MON1A: variants seen among roughly 807,000 people sequenced by gnomAD.
MON1A encodes MON1 vesicular trafficking associated A, also known as vacuolar fusion protein MON1 homolog A.
In MON1A, 29 loss-of-function variants were observed where a neutral mutation model predicts 44.6. That is an observed-to-expected ratio of 0.65 (90% CI 0.48 to 0.89). The LOEUF is 0.89. MON1A is among the 40% of genes least tolerant of loss of function. The pLI, the probability that MON1A is intolerant of heterozygous loss-of-function variation, is 0.00. For missense variants in MON1A, 615 were observed against 759.6 expected, an observed-to-expected ratio of 0.81 and a Z score of 2.24; for synonymous variants, 275 against 316.4, an observed-to-expected ratio of 0.87 and a Z score of 1.39.
intron 1 of MON1A, among the ~76,000 whole-genome samples, chr3:49,926,648 G>C (rs2083053874): frequency 6.6e-6 from 1 of 152,088 alleles, no homozygotes; most frequent in Non-Finnish European, 1.5e-5. Flanking sequence ...TTTTTGTAGA[G>C]ATGGGGTCTC....
At chr3:49,923,843 G>A (rs1202616978) in intron 1 of MON1A, 1 of 151,178 alleles carries the variant, frequency 6.6e-6, no homozygotes, top group Non-Finnish European at 1.5e-5. Context: ...AGCACTTTGG[G>A]AGGCCGACGC....
chr3:49,919,643 C>A (rs1311902550), intron 1 of MON1A, among the ~76,000 whole-genome samples: 2 of 152,152 alleles, frequency 1.3e-5, no homozygotes, highest in South Asian at 2.1e-4. Flanking sequence ...CCACACCTGG[C>A]TAATTTTTGT....
chr3:49,925,616 G>C (rs895502881), intron 1 of MON1A, among the ~76,000 whole-genome samples: 2 of 152,120 alleles, frequency 1.3e-5, no homozygotes, highest in African/African-American at 4.8e-5. Flanking sequence ...GCTCATGCCT[G>C]TAGTCCCACC....
At chr3:49,920,612 G>A (rs1465334544) in intron 1 of MON1A, 2 of 151,342 alleles carry the variant, frequency 1.3e-5, no homozygotes, top group African/African-American at 4.9e-5. Flanking sequence ...GGCCGAGGAG[G>A]GTGGATCACG....
In MON1A at chr3:49,909,625, A is replaced by C. The variant is rs2082851161; in HGVS notation, c.1380-225T>G. The C allele has an allele frequency of 1.7e-6, 1 of 576,544 alleles. No individual in the cohort carries two copies. The highest frequency in any genetic ancestry group is 3.0e-6 in the Non-Finnish European group (1 of 332,198). The allele number at this position is 576,544 out of a possible 1,614,324, so 35.7% of individuals were successfully genotyped here. ...GTCCCCTCTTACCCCCTAAGCTCAT[A>C]GTGTCTTTGGTGACCCCTCTTTGGA... On this transcript the variant is annotated intron_variant, in intron 4 of 5. Coordinates refer to ENST00000296473, the MANE Select transcript of MON1A (RefSeq NM_032355.4). The surrounding 1 kb of genome is among the most constrained non-coding windows in gnomAD (Gnocchi z 4.0).
In MON1A at chr3:49,910,325, G is replaced by A. The variant is rs759836938; in HGVS notation, c.1173C>T (p.Leu391=). ...GGTCAGTGGAGACAAGCAGCAGGCAGAGGTCAGTGTCAGGCTCTAGGTAAG... is the reference window on the plus strand; with the variant it reads ...GGTCAGTGGAGACAAGCAGCAGGCAAAGGTCAGTGTCAGGCTCTAGGTAAG... ...HISYLEPDTD[L]CLLLVSTDRE... Residue 391 remains leucine (L), a synonymous_variant, in exon 4 of 6, where the codon CTC becomes CTT. Transcript: ENST00000296473. This position sits in a 1 kb window ranked among gnomAD's most constrained non-coding sequence, Gnocchi z 8.0. 1.9e-6 allele frequency: 3 copies of A among 1,614,236 alleles called. No homozygotes were observed. The highest frequency in any genetic ancestry group is 2.5e-6 in the Non-Finnish European group (3 of 1,180,050).
chr3:49,922,491 G>A (rs191185501), intron 1 of MON1A, among the ~76,000 whole-genome samples: 1,783 of 133,436 alleles, frequency 0.013, 31 homozygotes, highest in Non-Finnish European at 0.015. Context: ...AGGGAGGAAG[G>A]AAGGAAGGAA....
intron 1 of MON1A, among the ~76,000 whole-genome samples, chr3:49,928,804 C>A (rs1446086575): frequency 6.6e-6 from 1 of 152,176 alleles, no homozygotes; most frequent in Non-Finnish European, 1.5e-5. Context: ...CTTGTCACTT[C>A]TGGCGGTTAC....
intron 1 of MON1A, among the ~76,000 whole-genome samples, chr3:49,928,235 C>T (rs2083067004): frequency 6.6e-6 from 1 of 152,144 alleles, no homozygotes; most frequent in South Asian, 2.1e-4. Context: ...GGGGTCCAGC[C>T]AGAGGCCTGA....
intron 2 of MON1A, chr3:49,912,554 G>A (rs925527594): frequency 3.7e-5 from 6 of 164,140 alleles, no homozygotes; most frequent in Non-Finnish European, 5.3e-5. Flanking sequence ...GTAAGGTGCC[G>A]GAACGCAGCA....
At chr3:49,914,984 T>A (rs907237677) in intron 1 of MON1A, among the ~76,000 whole-genome samples, 1 of 152,208 alleles carries the variant, frequency 6.6e-6, no homozygotes, top group Non-Finnish European at 1.5e-5. Flanking sequence ...CCCAGCCTGG[T>A]CTTTTAGAAA....
At position 49,921,706 on chromosome 3, in the gene MON1A, C is replaced by T. The variant is rs181205400; in HGVS notation, c.-14+7903G>A. 3.4e-3 allele frequency among the ~76,000 whole-genome samples: 499 copies of T among 148,410 alleles called. 3 individuals carry two copies. The highest frequency in any genetic ancestry group is 0.012 in the African/African-American group (488 of 40,302). On this transcript the variant is annotated intron_variant, in intron 1 of 5. Coordinates refer to ENST00000296473, the MANE Select transcript of MON1A (RefSeq NM_032355.4). Reference sequence around the variant, plus strand: ...CCAAGTCTGGAGTGCAGTGGCTATTCACAGGTGTAATCACCACCCCACCAT... The same window carrying T: ...CCAAGTCTGGAGTGCAGTGGCTATTTACAGGTGTAATCACCACCCCACCAT...
chr3:49,911,217 G>GATAGATAGATGATAGATAC lies in MON1A; in HGVS notation c.613+308_613+309insGTATCTATCATCTATCTAT, dbSNP rs1553630674. 1.7e-3 allele frequency among the ~76,000 whole-genome samples: 245 copies of GATAGATAGATGATAGATAC among 143,286 alleles called. 1 individual carries two copies. Among genetic ancestry groups the GATAGATAGATGATAGATAC allele is most frequent in the Middle Eastern group, 3.4e-3 (1 of 290 alleles). 94.0% of individuals were successfully genotyped at this position (143,286 alleles called of 152,430 possible). A position where few individuals can be genotyped will look rare whatever the true frequency, so the allele number is the denominator to read the frequency against. ...AGATAGATAGATAGATAGATAGATA[G>GATAGATAGATGATAGATAC]ATAGATAGATAGATAGATAGATAGA... On this transcript the variant is annotated intron_variant, in intron 3 of 5. Coordinates refer to ENST00000296473, the MANE Select transcript of MON1A (RefSeq NM_032355.4). This position sits in a 1 kb window ranked among gnomAD's most constrained non-coding sequence, Gnocchi z 5.7.
At position 49,912,029 on chromosome 3, in the gene MON1A, T is replaced by G. The variant is rs770400163; in HGVS notation, c.128-18A>C. On this transcript the variant is annotated intron_variant, in intron 2 of 5. Coordinates refer to ENST00000296473, the MANE Select transcript of MON1A (RefSeq NM_032355.4). Reference sequence around the variant, plus strand: ...GCCCGCACCTGCAGGCCAAAAGCACTGGTGCTTAGAGGGGTAGCTAGTGGC... The same window carrying G: ...GCCCGCACCTGCAGGCCAAAAGCACGGGTGCTTAGAGGGGTAGCTAGTGGC... The G allele has an allele frequency of 5.8e-6, 9 of 1,553,020 alleles. No homozygotes were observed. The highest frequency in any genetic ancestry group is 7.8e-6 in the Non-Finnish European group (9 of 1,147,654).
Position 49,911,499 on chromosome 3 carries a change from G to A in MON1A, c.613+27C>T, listed in dbSNP as rs557560517. On this transcript the variant is annotated intron_variant, in intron 3 of 5. Transcript: ENST00000296473. The surrounding 1 kb of genome is among the most constrained non-coding windows in gnomAD (Gnocchi z 5.7). ...GAATGAACCTTGGCCAGGGGAGCCC[G>A]CCCCATTCCCTCTCCAGGTGGCTCA... is the stretch of plus-strand genomic sequence containing the variant. 3.5e-5 allele frequency: 56 copies of A among 1,584,226 alleles called. No individual in the cohort carries two copies. In the East Asian group the frequency reaches 3.6e-4, roughly 10 times the overall value.
At chr3:49,912,344 C>A (rs73834125) in intron 2 of MON1A, 3,535 of 227,400 alleles carry the variant, frequency 0.016, 151 homozygotes, top group African/African-American at 0.076. Context: ...TTTCAACACA[C>A]CCCCACCTGC....
At chr3:49,921,543 G>A (rs1409915859) in intron 1 of MON1A, among the ~76,000 whole-genome samples, 1 of 151,002 alleles carries the variant, frequency 6.6e-6, no homozygotes, top group Non-Finnish European at 1.5e-5. Flanking sequence ...GGCTGAGGTG[G>A]GCGGATCACC....
In MON1A at chr3:49,910,661, C is replaced by T. The variant is rs1318707988; in HGVS notation, c.837G>A (p.Leu279=). The T allele has an allele frequency of 6.2e-7, 1 of 1,607,238 alleles. No homozygotes were observed. Among genetic ancestry groups the T allele is most frequent in the Admixed American group, 1.7e-5 (1 of 59,198 alleles). ...AGCTGGGGTCTCGTGCCATGAGCTGCAGCAGGTTGTCGGTGATGCGCTCTG... is the reference window on the plus strand; with the variant it reads ...AGCTGGGGTCTCGTGCCATGAGCTGTAGCAGGTTGTCGGTGATGCGCTCTG... ...SGSERITDNL[L]QLMARDPSFL... is the part of the protein sequence containing the mutation. Residue 279 remains leucine (L), a synonymous_variant, in exon 4 of 6, where the codon CTG becomes CTA. Coordinates refer to ENST00000296473, the MANE Select transcript of MON1A (RefSeq NM_032355.4). The surrounding 1 kb of genome is among the most constrained non-coding windows in gnomAD (Gnocchi z 8.0).
intron 1 of MON1A, among the ~76,000 whole-genome samples, chr3:49,917,751 G>A (rs945510035): frequency 6.6e-6 from 1 of 151,854 alleles, no homozygotes; most frequent in African/African-American, 2.4e-5. Flanking sequence ...GAAGTCGTTA[G>A]AAGAGAACTT....
Sources: allele counts gnomAD v4.1 joint callset (sites outside exome capture counted in the v4.1 genomes callset), GRCh38; gene constraint gnomAD v4.1.1; non-coding constraint Gnocchi (gnomAD v3.1); transcripts MANE v1.5; gene names NCBI Gene and HGNC (gene_info 2026-07-23, HGNC 2026-07-21).